The following RORB variants were observed in gnomAD, a reference collection of about 807,000 sequenced individuals.
RORB encodes the protein RAR related orphan receptor B.
Under a neutral mutation model 59.1 loss-of-function variants are expected in RORB, and 6 were observed. That is an observed-to-expected ratio of 0.10 (90% CI 0.06 to 0.20). The LOEUF is 0.20. Among genes scored for constraint, RORB ranks in the 10% least tolerant of loss-of-function variants. RORB has a pLI of 1.00. For missense variants in RORB, 320 were observed against 560.5 expected, an observed-to-expected ratio of 0.57 and a Z score of 4.33; for synonymous variants, 215 against 204.5, an observed-to-expected ratio of 1.05 and a Z score of -0.44.
intron 1 of RORB, among the ~76,000 whole-genome samples, chr9:74,617,605 G>A (rs539108268): frequency 6.6e-6 from 1 of 152,264 alleles, no homozygotes; most frequent in Non-Finnish European, 1.5e-5. Flanking sequence ...CAGAACAGGC[G>A]CTTCAGTCTT....
At chr9:74,614,977 T>C (rs1823289298) in intron 1 of RORB, among the ~76,000 whole-genome samples, 1 of 152,174 alleles carries the variant, frequency 6.6e-6, no homozygotes, top group Non-Finnish European at 1.5e-5. Flanking sequence ...GTTAAGTCTC[T>C]ACACTGGTGC....
intron 3 of RORB, among the ~76,000 whole-genome samples, chr9:74,638,820 G>A (rs1823745943): frequency 6.6e-6 from 1 of 152,126 alleles, no homozygotes; most frequent in Admixed American, 6.5e-5. Context: ...CAATGTTTCT[G>A]AAATAAATGG....
At chr9:74,557,997 C>A (rs1413909856) in intron 1 of RORB, among the ~76,000 whole-genome samples, 1 of 151,970 alleles carries the variant, frequency 6.6e-6, no homozygotes, top group Admixed American at 6.6e-5. Flanking sequence ...AATATTTAAA[C>A]AACAAGAAAA....
In RORB at chr9:74,536,837, T is replaced by C. The variant is rs180996607; in HGVS notation, c.7+38854T>C. On this transcript the variant is annotated intron_variant, in intron 1 of 9. Transcript: ENST00000376896. ...TGATATCTGCCATTCAAAAAGCTTT[T>C]AACTTGCAGAGAGAGAGAGAAAGAG... Among the ~76,000 whole-genome samples the C allele has an allele frequency of 1.2e-3, 184 of 152,182 alleles. 2 individuals carry two copies. The highest frequency in any genetic ancestry group is 4.2e-3 in the African/African-American group (176 of 41,556).
intron 1 of RORB, among the ~76,000 whole-genome samples, chr9:74,553,255 C>T (rs1826639395): frequency 6.6e-6 from 1 of 152,132 alleles, no homozygotes; most frequent in Non-Finnish European, 1.5e-5. Flanking sequence ...CCAGATGAGA[C>T]TTACATAGTT....
At chr9:74,513,665 A>T (rs2118046960) in intron 1 of RORB, among the ~76,000 whole-genome samples, 1 of 152,222 alleles carries the variant, frequency 6.6e-6, no homozygotes, top group African/African-American at 2.4e-5. Flanking sequence ...TTAGAATAAA[A>T]TCATGTGCAG....
chr9:74,501,219 A>G (rs1314802517), intron 1 of RORB, among the ~76,000 whole-genome samples: 1 of 152,174 alleles, frequency 6.6e-6, no homozygotes, highest in Non-Finnish European at 1.5e-5. Context: ...ATCTGGTTTT[A>G]TACTTGCTAT....
intron 1 of RORB, among the ~76,000 whole-genome samples, chr9:74,518,223 T>C (rs1010248947): frequency 1.3e-5 from 2 of 152,138 alleles, no homozygotes; most frequent in South Asian, 2.1e-4. Flanking sequence ...TATCTTCTTC[T>C]TTAAGTCATG....
chr9:74,578,028 A>G (rs1822663807), intron 1 of RORB, among the ~76,000 whole-genome samples: 2 of 144,546 alleles, frequency 1.4e-5, no homozygotes, highest in African/African-American at 5.0e-5. Flanking sequence ...CCACCCTCCC[A>G]TTTTACAGAT....
chr9:74,628,363 T>C (rs1032859006), intron 1 of RORB, among the ~76,000 whole-genome samples: 1 of 152,210 alleles, frequency 6.6e-6, no homozygotes, highest in African/African-American at 2.4e-5. Flanking sequence ...TTTAAAACTG[T>C]AATCTTATTT....
At chr9:74,563,697 G>C (rs1458048474) in intron 1 of RORB, among the ~76,000 whole-genome samples, 1 of 152,212 alleles carries the variant, frequency 6.6e-6, no homozygotes, top group Non-Finnish European at 1.5e-5. Context: ...GTATGGGCAG[G>C]GTTAAGGGAT....
intron 7 of RORB, 48 bp from the exon 8 acceptor site, chr9:74,667,743 C>T: frequency 1.8e-6 from 2 of 1,134,974 alleles, no homozygotes; most frequent in South Asian, 1.2e-5. Context: ...ACTCTTGCCC[C>T]ATTTCAAGTT....
intron 1 of RORB, among the ~76,000 whole-genome samples, chr9:74,604,441 A>G (rs1299305171): frequency 6.6e-6 from 1 of 152,188 alleles, no homozygotes; most frequent in African/African-American, 2.4e-5. Context: ...TGGACCCACT[A>G]GTTGCAAGGG....
At chr9:74,663,136 A>G (rs984987771) in intron 6 of RORB, among the ~76,000 whole-genome samples, 2 of 152,176 alleles carry the variant, frequency 1.3e-5, no homozygotes, top group Non-Finnish European at 2.9e-5. Flanking sequence ...GAAACTCTGC[A>G]TATGACTGAC....
intron 1 of RORB, among the ~76,000 whole-genome samples, chr9:74,596,166 C>G (rs970198629): frequency 6.6e-6 from 1 of 152,122 alleles, no homozygotes; most frequent in African/African-American, 2.4e-5. Flanking sequence ...TTCTTTTTCT[C>G]TATGTCATTA....
intron 1 of RORB, among the ~76,000 whole-genome samples, chr9:74,625,998 A>G (rs1429706494): frequency 2.0e-5 from 3 of 152,236 alleles, no homozygotes; most frequent in Non-Finnish European, 4.4e-5. Flanking sequence ...CATTAGCTGG[A>G]TTAGTTTATA....
intron 1 of RORB, among the ~76,000 whole-genome samples, chr9:74,572,512 A>G (rs911997413): frequency 2.0e-5 from 3 of 152,076 alleles, no homozygotes; most frequent in African/African-American, 7.2e-5. Context: ...CTGGTTATTG[A>G]ACTGGTAGCA....
chr9:74,641,465 G>A (rs1225504930), intron 3 of RORB, among the ~76,000 whole-genome samples: 1 of 152,176 alleles, frequency 6.6e-6, no homozygotes, highest in East Asian at 1.9e-4. Flanking sequence ...CACTTGCTAG[G>A]CATTGGATGC....
At chr9:74,641,737 C>T (rs1028822763) in intron 3 of RORB, among the ~76,000 whole-genome samples, 4 of 148,766 alleles carry the variant, frequency 2.7e-5, no homozygotes, top group Non-Finnish European at 4.5e-5. Context: ...CCCGGCTCTA[C>T]AAAAATTAAA....
Sources: gnomAD v4.1 joint callset for allele counts (sites outside exome capture counted in the v4.1 genomes callset) on GRCh38, gnomAD v4.1.1 for gene constraint, MANE v1.5 for transcripts, NCBI Gene and HGNC (gene_info 2026-07-23, HGNC 2026-07-21) for gene names.